The following RERE variants were observed in gnomAD, a reference collection of about 807,000 sequenced individuals.
The protein encoded by RERE is arginine-glutamic acid dipeptide repeats protein.
In RERE, 40 loss-of-function variants were observed where a neutral mutation model predicts 146.1. The observed-to-expected ratio is 0.27, with a 90% confidence interval of 0.21 to 0.36. The LOEUF (loss-of-function observed/expected upper bound fraction) is 0.36. Ranked by LOEUF, RERE falls within the 10% of genes least tolerant of loss-of-function variation. RERE has a pLI of 1.00. For synonymous variants in RERE, 1,003 were observed against 866.0 expected (o/e 1.16, Z -2.78); for missense variants, 1,933 against 2,138.7 (o/e 0.90, Z 1.90).
At chr1:8,690,355 T>C (rs1433304190) in intron 1 of RERE, among the ~76,000 whole-genome samples, 1 of 152,138 alleles carries the variant, frequency 6.6e-6, no homozygotes, top group African/African-American at 2.4e-5. Context: ...TAAACCTAAC[T>C]GCCTTCCAAA....
intron 1 of RERE, among the ~76,000 whole-genome samples, chr1:8,675,688 A>G (rs1372200038): frequency 6.6e-6 from 1 of 151,778 alleles, no homozygotes; most frequent in Non-Finnish European, 1.5e-5. Context: ...ACACCACTGC[A>G]CTCCAGCCTG....
intron 1 of RERE, among the ~76,000 whole-genome samples, chr1:8,748,615 A>G (rs1198302826): frequency 6.6e-6 from 1 of 152,214 alleles, no homozygotes; most frequent in African/African-American, 2.4e-5. Context: ...GTATGCATGC[A>G]TTAATTCCAG....
chr1:8,415,152 G>A (rs1643726354), intron 12 of RERE, among the ~76,000 whole-genome samples: 1 of 151,994 alleles, frequency 6.6e-6, no homozygotes, highest in African/African-American at 2.4e-5. Context: ...ATCTTACAAG[G>A]CTAAAAAAGA....
chr1:8,466,316 C>T (rs1157036796), intron 10 of RERE, among the ~76,000 whole-genome samples: 1 of 152,100 alleles, frequency 6.6e-6, no homozygotes, highest in Non-Finnish European at 1.5e-5. Flanking sequence ...GAATGTTTGG[C>T]CCCGCCCAGT....
chr1:8,651,107 T>A (rs1042073069), intron 2 of RERE, among the ~76,000 whole-genome samples: 8 of 150,682 alleles, frequency 5.3e-5, no homozygotes, highest in African/African-American at 1.2e-4. Flanking sequence ...AAAAAAAAAA[T>A]CTACCATTTA....
chr1:8,509,229 G>A (rs903674514), intron 7 of RERE, among the ~76,000 whole-genome samples: 3 of 152,158 alleles, frequency 2.0e-5, no homozygotes, highest in Admixed American at 6.5e-5. Context: ...TTACAAGCAC[G>A]AGCCACCACA....
intron 10 of RERE, among the ~76,000 whole-genome samples, chr1:8,486,846 C>T (rs528385575): frequency 6.7e-6 from 1 of 148,936 alleles, no homozygotes; most frequent in South Asian, 2.1e-4. Context: ...TTCTGGCAAA[C>T]ATTTGATGTA....
chr1:8,592,266 CTTT>C lies in RERE; in HGVS notation c.522+22292_522+22294del, dbSNP rs898775797. Among the ~76,000 whole-genome samples the C allele has an allele frequency of 2.0e-5, 3 of 151,636 alleles. No homozygotes were observed. The East Asian group carries it at 5.9e-4, about 30-fold the overall frequency. On this transcript the variant is annotated intron_variant, in intron 4 of 22. Transcript: ENST00000400908. ...TGCCCTTCCAAACCAGCAAAAGGTA[CTTT>C]TTTTTTCTTTTTTAAAGACACCGTC...
chr1:8,772,922 A>T (rs956853646), intron 1 of RERE, among the ~76,000 whole-genome samples: 30 of 152,302 alleles, frequency 2.0e-4, no homozygotes, highest in African/African-American at 7.0e-4. Flanking sequence ...AACCCCATCT[A>T]CTAAAAGTAC....
chr1:8,682,943 C>T (rs1416289111), intron 1 of RERE, among the ~76,000 whole-genome samples: 1 of 142,446 alleles, frequency 7.0e-6, no homozygotes, highest in African/African-American at 2.6e-5. Flanking sequence ...CAATGCTATA[C>T]TTCGGTAAAA....
At chr1:8,405,397 T>C (rs533463483) in intron 12 of RERE, among the ~76,000 whole-genome samples, 3 of 152,200 alleles carry the variant, frequency 2.0e-5, no homozygotes, top group African/African-American at 7.2e-5. Flanking sequence ...AGTTGGTTAA[T>C]AACATGATAT....
chr1:8,387,775 G>T (rs1642732813), intron 12 of RERE, among the ~76,000 whole-genome samples: 2 of 152,184 alleles, frequency 1.3e-5, no homozygotes, highest in Non-Finnish European at 2.9e-5. Flanking sequence ...GCATTTTAAG[G>T]TCTGATTCTA....
chr1:8,397,563 G>T (rs1443929), intron 12 of RERE, among the ~76,000 whole-genome samples: 24,138 of 148,568 alleles, frequency 0.16, 2,187 homozygotes, highest in South Asian at 0.28. Flanking sequence ...CCAAACTCAT[G>T]TTGAGCAAAA....
chr1:8,752,085 C>T (rs1209053753), intron 1 of RERE, among the ~76,000 whole-genome samples: 1 of 152,040 alleles, frequency 6.6e-6, no homozygotes, highest in Non-Finnish European at 1.5e-5. Flanking sequence ...ATTATTATCC[C>T]CATTTTACAG....
intron 11 of RERE, among the ~76,000 whole-genome samples, chr1:8,453,405 C>G (rs1301416579): frequency 6.6e-6 from 1 of 152,170 alleles, no homozygotes; most frequent in Non-Finnish European, 1.5e-5. Context: ...GAGATCACCA[C>G]AGATCAAAGC....
At chr1:8,581,819 C>T (rs749714965) in intron 4 of RERE, among the ~76,000 whole-genome samples, 3 of 152,034 alleles carry the variant, frequency 2.0e-5, no homozygotes, top group Non-Finnish European at 4.4e-5. Context: ...TATAGTATTA[C>T]CAATATTGGA....
intron 1 of RERE, among the ~76,000 whole-genome samples, chr1:8,777,876 T>C (rs913585989): frequency 1.5e-5 from 2 of 137,174 alleles, no homozygotes; most frequent in Non-Finnish European, 3.1e-5. Flanking sequence ...GGTATAAAAA[T>C]AAAAGTATAT....
chr1:8,790,859 T>G (rs1641352503), intron 1 of RERE, among the ~76,000 whole-genome samples: 1 of 152,222 alleles, frequency 6.6e-6, no homozygotes, highest in South Asian at 2.1e-4. Flanking sequence ...ATGCTGGGAT[T>G]ACAGGCATGA....
intron 11 of RERE, among the ~76,000 whole-genome samples, chr1:8,448,804 C>T (rs973964247): frequency 2.0e-5 from 3 of 151,440 alleles, no homozygotes; most frequent in African/African-American, 7.3e-5. Context: ...ACTCCAGCCT[C>T]GGTGACAGAG....
Sources: allele counts gnomAD v4.1 joint callset (sites outside exome capture counted in the v4.1 genomes callset), GRCh38; gene constraint gnomAD v4.1.1; transcripts MANE v1.5; gene names NCBI Gene and HGNC (gene_info 2026-07-23, HGNC 2026-07-21).